INPP5A: variants seen among roughly 807,000 people sequenced by gnomAD.
The protein encoded by INPP5A is 43 kDa inositol polyphosphate 5-phophatase.
A neutral mutation model predicts 65.2 loss-of-function variants in INPP5A; 14 were observed. That is an observed-to-expected ratio of 0.21 (90% CI 0.14 to 0.34). The LOEUF (loss-of-function observed/expected upper bound fraction) is 0.34, where lower values mean the gene tolerates loss of function less well. INPP5A is among the 10% of genes least tolerant of loss of function. The pLI is 1.00. For missense variants in INPP5A, 431 were observed against 545.6 expected (o/e 0.79, Z 2.09); for synonymous variants, 207 against 208.3 (o/e 0.99, Z 0.05).
chr10:132,640,391 C>T (rs1178313927), intron 2 of INPP5A, among the ~76,000 whole-genome samples: 2 of 152,264 alleles, frequency 1.3e-5, no homozygotes, highest in African/African-American at 4.8e-5. Context: ...TCCAGGGTTG[C>T]CCCACACCGT....
chr10:132,779,006 G>GC (rs1315005007), intron 13 of INPP5A, among the ~76,000 whole-genome samples: 1 of 152,244 alleles, frequency 6.6e-6, no homozygotes, highest in East Asian at 1.9e-4. Flanking sequence ...CCTGGGTGCA[G>GC]CCTGCCCTCC....
Position 132,616,953 on chromosome 10 carries a change from C to T in INPP5A, c.117+8997C>T, listed in dbSNP as rs1040108655. Among the ~76,000 whole-genome samples, 4 of 152,036 alleles carry T rather than the reference C, an allele frequency of 2.6e-5. No individual in the cohort carries two copies. The highest frequency in any genetic ancestry group is 7.3e-5 in the African/African-American group (3 of 41,376). On this transcript the variant is annotated intron_variant, in intron 2 of 15. Coordinates refer to ENST00000368594, the MANE Select transcript of INPP5A (RefSeq NM_005539.5). This position sits in a 1 kb window ranked among gnomAD's most constrained non-coding sequence, Gnocchi z 4.9. The stretch of plus-strand genomic sequence containing the variant: ...CTTTGCTGCGCTGGTGGGGAGAGGC[C>T]GCCTGAGGTCCTTCGAAGCAGCCTG...
At chr10:132,600,988 T>C (rs2071769423) in intron 1 of INPP5A, among the ~76,000 whole-genome samples, 1 of 152,122 alleles carries the variant, frequency 6.6e-6, no homozygotes, top group African/African-American at 2.4e-5. Flanking sequence ...CCAAACCACA[T>C]CAGGAATATA....
In INPP5A at chr10:132,749,560, A is replaced by C. The variant is rs1564998012; in HGVS notation, c.776A>C (p.Asp259Ala). 5 of 1,612,966 alleles carry C rather than the reference A, an allele frequency of 3.1e-6. No individual in the cohort carries two copies. Among genetic ancestry groups the C allele is most frequent in the Non-Finnish European group, 2.5e-6 (3 of 1,180,010 alleles). ...ACCATGCAGACGGTCCGGGCCGCCG[A>C]CACCAATGAAGTGGTGAAGCTCATA... ...KATMQTVRAA[D>A]TNEVVKLIFR... The change falls in exon 10 of 16, where the codon GAC becomes GCC. Residue 259 changes from aspartate (D) to alanine (A), a missense_variant. Physicochemically the swap from Asp to Ala is moderately radical, Grantham distance 126. Coordinates refer to ENST00000368594, the MANE Select transcript of INPP5A (RefSeq NM_005539.5).
rs912138355 is a variant in INPP5A at position 132,555,962 on chromosome 10, A to G, written c.75+17791A>G. Reference sequence around the variant, plus strand: ...CTTGGCTCAGCGCTTGGTGCTTTTGATGGAGAAAATTCAGTTCCAGACTTG... The same window carrying G: ...CTTGGCTCAGCGCTTGGTGCTTTTGGTGGAGAAAATTCAGTTCCAGACTTG... On this transcript the variant is annotated intron_variant, in intron 1 of 15. Coordinates refer to ENST00000368594, the MANE Select transcript of INPP5A (RefSeq NM_005539.5). This position sits in a 1 kb window ranked among gnomAD's most constrained non-coding sequence, Gnocchi z 4.4. Among the ~76,000 whole-genome samples the G allele has an allele frequency of 3.3e-5, 5 of 151,096 alleles. No homozygotes were observed. The highest frequency in any genetic ancestry group is 1.2e-4 in the African/African-American group (5 of 41,022).
intron 4 of INPP5A, among the ~76,000 whole-genome samples, chr10:132,682,759 G>A (rs1309100397): frequency 6.6e-6 from 1 of 151,430 alleles, no homozygotes; most frequent in Non-Finnish European, 1.5e-5. Flanking sequence ...CAGCAATGCT[G>A]TGTATTATAT....
intron 1 of INPP5A, among the ~76,000 whole-genome samples, chr10:132,590,208 G>T (rs967456348): frequency 6.6e-6 from 1 of 152,174 alleles, no homozygotes; most frequent in Non-Finnish European, 1.5e-5. Context: ...CGTCCTGTGG[G>T]ATGGGGCCTC....
intron 2 of INPP5A, among the ~76,000 whole-genome samples, chr10:132,642,253 A>C (rs1407904806): frequency 1.3e-5 from 2 of 152,202 alleles, no homozygotes; most frequent in African/African-American, 4.8e-5. Context: ...GCAGAGGGGC[A>C]GCAGCAGAGC....
chr10:132,719,564 G>A (rs1295812306), intron 8 of INPP5A, among the ~76,000 whole-genome samples: 61 of 144,890 alleles, frequency 4.2e-4, no homozygotes, highest in Non-Finnish European at 5.5e-4. Context: ...CTGTCTGGGT[G>A]CCTTAGACGG....
At chr10:132,598,264 A>G (rs2071733457) in intron 1 of INPP5A, among the ~76,000 whole-genome samples, 1 of 152,178 alleles carries the variant, frequency 6.6e-6, no homozygotes, top group Non-Finnish European at 1.5e-5. Flanking sequence ...AAAATTTTCC[A>G]TCTTAACCAT....
intron 12 of INPP5A, among the ~76,000 whole-genome samples, chr10:132,771,713 T>G (rs371074566): frequency 2.7e-5 from 1 of 37,106 alleles, no homozygotes; most frequent in Admixed American, 3.6e-4. Flanking sequence ...AGCCACCCCA[T>G]GAAGAGTGGG....
chr10:132,758,417 C>T (rs576943098), intron 11 of INPP5A, among the ~76,000 whole-genome samples: 201 of 149,074 alleles, frequency 1.3e-3, no homozygotes, highest in African/African-American at 4.8e-3. Context: ...AACACAGTGC[C>T]GTGGTGTGGG....
At chr10:132,734,431 T>G (rs1846140754) in intron 9 of INPP5A, among the ~76,000 whole-genome samples, 1 of 152,212 alleles carries the variant, frequency 6.6e-6, no homozygotes, top group Admixed American at 6.5e-5. Context: ...TCAGGAGGAA[T>G]TGGAGCGTGC....
At chr10:132,615,242 A>G (rs886818907) in intron 2 of INPP5A, among the ~76,000 whole-genome samples, 23 of 152,214 alleles carry the variant, frequency 1.5e-4, no homozygotes, top group African/African-American at 5.3e-4. Context: ...GTGGGCCACA[A>G]TGGAGGGCTT....
At chr10:132,652,945 C>T (rs2072597237) in intron 4 of INPP5A, among the ~76,000 whole-genome samples, 1 of 152,204 alleles carries the variant, frequency 6.6e-6, no homozygotes, top group African/African-American at 2.4e-5. Context: ...AGACGGGAGG[C>T]TCTGCACCGC....
intron 2 of INPP5A, among the ~76,000 whole-genome samples, chr10:132,624,598 C>T (rs1351347684): frequency 2.0e-5 from 3 of 152,220 alleles, no homozygotes; most frequent in South Asian, 2.1e-4. Context: ...GTCTTCTGTG[C>T]GGTTCCTCCC....
At chr10:132,609,378 C>T (rs924035872) in intron 2 of INPP5A, among the ~76,000 whole-genome samples, 35 of 152,160 alleles carry the variant, frequency 2.3e-4, no homozygotes, top group South Asian at 6.2e-4. Flanking sequence ...AACCGCACGT[C>T]GGGGGCCAGT....
Position 132,546,253 on chromosome 10 carries a change from C to T in INPP5A, c.75+8082C>T, listed in dbSNP as rs940050265. 6.6e-6 allele frequency among the ~76,000 whole-genome samples: 1 copy of T among 152,208 alleles called. No homozygotes were observed. Among genetic ancestry groups the T allele is most frequent in the Non-Finnish European group, 1.5e-5 (1 of 68,024 alleles). On this transcript the variant is annotated intron_variant, in intron 1 of 15. Coordinates refer to ENST00000368594, the MANE Select transcript of INPP5A (RefSeq NM_005539.5). The surrounding 1 kb of genome is among the most constrained non-coding windows in gnomAD (Gnocchi z 5.7). ...CAGCCCGCGGGGGTCTTGGCGTTGG[C>T]GCAGAAGTGGTTTCCCAGCGGCGTG...
chr10:132,574,462 G>A (rs966506952), intron 1 of INPP5A, among the ~76,000 whole-genome samples: 13 of 151,526 alleles, frequency 8.6e-5, no homozygotes, highest in African/African-American at 2.9e-4. Flanking sequence ...TGCGATGTTG[G>A]GTGTGTGTCC....
Sources: allele counts gnomAD v4.1 joint callset (sites outside exome capture counted in the v4.1 genomes callset), GRCh38; gene constraint gnomAD v4.1.1; non-coding constraint Gnocchi (gnomAD v3.1); transcripts MANE v1.5; gene names NCBI Gene and HGNC (gene_info 2026-07-23, HGNC 2026-07-21).